SOX6: variants seen among roughly 807,000 people sequenced by gnomAD.
SOX6 encodes the protein SRY-box transcription factor 6.
Under a neutral mutation model 97.8 loss-of-function variants are expected in SOX6, and 11 were observed. The observed-to-expected ratio is 0.11, with a 90% CI of 0.07 to 0.19. The LOEUF is 0.19. SOX6 is among the 10% of genes least tolerant of loss of function. The probability of loss-of-function intolerance (pLI) is 1.00; values close to 1 mark genes in which losing one functional copy is unlikely to be tolerated. For missense variants in SOX6, 810 were observed against 1,039.5 expected, an observed-to-expected ratio of 0.78 and a Z score of 3.04; for synonymous variants, 360 against 371.4, an observed-to-expected ratio of 0.97 and a Z score of 0.35.
At chr11:15,977,219 G>A (rs569873343) in intron 15 of SOX6, among the ~76,000 whole-genome samples, 6 of 151,810 alleles carry the variant, frequency 4.0e-5, no homozygotes, top group East Asian at 1.9e-4. Context: ...TGCTATCTCT[G>A]TAGATGTTCA....
upstream of SOX6, among the ~76,000 whole-genome samples, chr11:16,360,028 T>C (rs1022610924): frequency 3.3e-5 from 5 of 152,212 alleles, no homozygotes; most frequent in African/African-American, 1.2e-4. Context: ...CCCATGCTTT[T>C]AACTTTTACA....
rs138942934 is a variant in SOX6, at chr11:16,264,723, G to T, written c.446-30052C>A. 544 of 151,672 alleles carry T rather than the reference G, an allele frequency of 3.6e-3. 1 individual carries two copies. Among genetic ancestry groups the T allele is most frequent in the African/African-American group, 0.012 (509 of 41,418 alleles). The allele number at this position is 151,672 out of a possible 1,614,324, so 9.4% of individuals were successfully genotyped here. The stretch of plus-strand genomic sequence containing the variant: ...CTGTTTCTTCACAACCTTGACAGAA[G>T]AATGTGTTTCACATCTTTAATTTTC... On this transcript the variant is annotated intron_variant, in intron 3 of 15. Coordinates refer to ENST00000683767, the MANE Select transcript of SOX6 (RefSeq NM_001367873.1).
At chr11:16,670,388 C>T (rs1211703246) in intron 3 of SOX6, among the ~76,000 whole-genome samples, 2 of 152,178 alleles carry the variant, frequency 1.3e-5, no homozygotes, top group Non-Finnish European at 2.9e-5. Flanking sequence ...CACCCCACCC[C>T]ACTGGCTGAA....
intron 12 of SOX6, among the ~76,000 whole-genome samples, chr11:16,046,212 T>C (rs553629900): frequency 6.6e-6 from 1 of 152,350 alleles, no homozygotes; most frequent in South Asian, 2.1e-4. Context: ...ACTCTACTTT[T>C]ATTCTAATAA....
intron 3 of SOX6, among the ~76,000 whole-genome samples, chr11:16,693,344 A>G (rs1025616900): frequency 1.3e-5 from 2 of 151,956 alleles, no homozygotes; most frequent in Non-Finnish European, 2.9e-5. Context: ...TTTACCTTTC[A>G]TTTATTTTAT....
chr11:16,161,430 T>A (rs2134070335), intron 6 of SOX6, among the ~76,000 whole-genome samples: 1 of 151,892 alleles, frequency 6.6e-6, no homozygotes, highest in Middle Eastern at 3.4e-3. Flanking sequence ...ATTATTTTAG[T>A]AGCTAATAGG....
chr11:16,121,858 T>C (rs1187544551), intron 6 of SOX6, among the ~76,000 whole-genome samples: 2 of 152,064 alleles, frequency 1.3e-5, no homozygotes, highest in African/African-American at 2.4e-5. Context: ...AAGTAAAATG[T>C]ATGATTCATT....
At chr11:16,095,280 A>G (rs1848769217) in intron 9 of SOX6, among the ~76,000 whole-genome samples, 1 of 151,796 alleles carries the variant, frequency 6.6e-6, no homozygotes, top group African/African-American at 2.4e-5. Flanking sequence ...TTAAGCATGA[A>G]ATTGGAGAGA....
At chr11:16,208,593 C>T (rs1852134589) in intron 4 of SOX6, among the ~76,000 whole-genome samples, 1 of 152,112 alleles carries the variant, frequency 6.6e-6, no homozygotes, top group South Asian at 2.1e-4. Context: ...CAGGTATTTT[C>T]CCAAAAATGA....
intron 13 of SOX6, among the ~76,000 whole-genome samples, chr11:16,012,629 C>T (rs1477001092): frequency 1.3e-5 from 2 of 151,920 alleles, no homozygotes; most frequent in Non-Finnish European, 2.9e-5. Flanking sequence ...TGAGGAAGGT[C>T]ACAAGGAGTT....
intron 3 of SOX6, among the ~76,000 whole-genome samples, chr11:16,637,496 G>A (rs1005557494): frequency 5.3e-5 from 8 of 152,142 alleles, no homozygotes; most frequent in African/African-American, 1.9e-4. Flanking sequence ...TGGGATTACA[G>A]GCATGAGCCA....
intron 6 of SOX6, among the ~76,000 whole-genome samples, chr11:16,167,263 T>C (rs1196062418): frequency 1.3e-5 from 2 of 152,308 alleles, no homozygotes; most frequent in East Asian, 1.9e-4. Flanking sequence ...GTCAAAATCC[T>C]TGACTTTCCT....
At chr11:16,446,901 T>C (rs1859622266) in intron 1 of SOX6, among the ~76,000 whole-genome samples, 1 of 151,950 alleles carries the variant, frequency 6.6e-6, no homozygotes, top group Non-Finnish European at 1.5e-5. Context: ...TGTTTCTTTC[T>C]TTCCTTCTTT....
chr11:16,077,684 T>A (rs1483265326), intron 9 of SOX6, among the ~76,000 whole-genome samples: 3 of 152,202 alleles, frequency 2.0e-5, no homozygotes, highest in African/African-American at 7.2e-5. Flanking sequence ...GCAGTCATTA[T>A]CCTAAGCAAA....
At chr11:16,574,190 G>A (rs1847962500) in intron 4 of SOX6, among the ~76,000 whole-genome samples, 1 of 152,008 alleles carries the variant, frequency 6.6e-6, no homozygotes, top group South Asian at 2.1e-4. Context: ...CAAGACACTT[G>A]AAAAATAAGA....
intron 1 of SOX6, among the ~76,000 whole-genome samples, chr11:16,418,979 T>C (rs1209136682): frequency 6.6e-6 from 1 of 152,094 alleles, no homozygotes; most frequent in East Asian, 1.9e-4. Context: ...CTGGGCAGCA[T>C]GTTTCCTGCC....
intron 4 of SOX6, among the ~76,000 whole-genome samples, chr11:16,189,681 T>C (rs772123207): frequency 2.5e-5 from 3 of 119,364 alleles, no homozygotes; most frequent in Non-Finnish European, 5.5e-5. Flanking sequence ...TTGGTTGCAG[T>C]GTGGTGAATA....
chr11:16,107,420 T>C (rs1027359368), intron 7 of SOX6, among the ~76,000 whole-genome samples: 36 of 147,530 alleles, frequency 2.4e-4, no homozygotes, highest in African/African-American at 8.4e-4. Flanking sequence ...TATATATACA[T>C]ATATATACAT....
intron 1 of SOX6, among the ~76,000 whole-genome samples, chr11:16,411,811 T>G (rs1400098939): frequency 6.6e-6 from 1 of 152,182 alleles, no homozygotes; most frequent in African/African-American, 2.4e-5. Flanking sequence ...AATGCAAAAT[T>G]TGTACTACAA....
Sources: allele counts gnomAD v4.1 joint callset (sites outside exome capture counted in the v4.1 genomes callset), GRCh38; gene constraint gnomAD v4.1.1; transcripts MANE v1.5; gene names NCBI Gene and HGNC (gene_info 2026-07-23, HGNC 2026-07-21).